Variants in TYSND1 observed in about 807,000 individuals in gnomAD.
TYSND1 encodes peroxisomal leader peptide-processing protease.
TYSND1 carries 30 observed loss-of-function variants against 37.2 expected under a neutral mutation model. That is an observed-to-expected ratio of 0.81 (90% CI 0.60 to 1.09). The LOEUF (loss-of-function observed/expected upper bound fraction) is 1.09, where lower values mean the gene tolerates loss of function less well. Ranked by LOEUF, TYSND1 falls within the 50% of genes least tolerant of loss-of-function variation. TYSND1 has a pLI of 0.00. For synonymous variants in TYSND1, 364 were observed against 383.8 expected (o/e 0.95, Z 0.60); for missense variants, 806 against 817.4 (o/e 0.99, Z 0.17).
At position 70,145,474 on chromosome 10, in the gene TYSND1, C is replaced by A; in HGVS notation, c.1113G>T (p.Arg371=). ...AVAPRLVVTC[R]HVSPREAARV... is the part of the protein sequence containing the mutation. Reference sequence around the variant, plus strand: ...TGGCTGCTTCCCGAGGGGACACGTGCCGACAGGTCACTACAAGGCGGGGTG... The same window carrying A: ...TGGCTGCTTCCCGAGGGGACACGTGACGACAGGTCACTACAAGGCGGGGTG... The change falls in exon 1 of 4, where the codon CGG becomes CGT. Residue 371 remains arginine (R), a synonymous_variant. Coordinates refer to ENST00000287078, the MANE Select transcript of TYSND1 (RefSeq NM_173555.4). 1 of 1,500,098 alleles carries A rather than the reference C, an allele frequency of 6.7e-7. No homozygotes were observed. 92.9% of individuals were successfully genotyped at this position (1,500,098 alleles called of 1,614,324 possible).
At position 70,145,777 on chromosome 10, in the gene TYSND1, C is replaced by A; in HGVS notation, c.810G>T (p.Arg270=). 1.4e-6 allele frequency: 2 copies of A among 1,459,392 alleles called. No homozygotes were observed. Among genetic ancestry groups the A allele is most frequent in the Non-Finnish European group, 1.8e-6 (2 of 1,114,752 alleles). The allele number at this position is 1,459,392 out of a possible 1,614,324, so 90.4% of individuals were successfully genotyped here. A position where few individuals can be genotyped will look rare whatever the true frequency, so the allele number is the denominator to read the frequency against. ...CCAGCGCCACCAGCGCCCCCGCGGG[C>A]CGCGCGGTGAACACGCCGCCGCCCT... is the stretch of plus-strand genomic sequence containing the variant. ...GTEGGGVFTA[R]PAGALVALVV... The change falls in exon 1 of 4, where the codon CGG becomes CGT. Residue 270 remains arginine, a synonymous_variant. Coordinates refer to ENST00000287078, the MANE Select transcript of TYSND1 (RefSeq NM_173555.4).
intron 3 of TYSND1, among the ~76,000 whole-genome samples, chr10:70,142,180 C>T (rs1185129958): frequency 2.0e-5 from 3 of 152,084 alleles, no homozygotes; most frequent in Non-Finnish European, 2.9e-5. Context: ...AAAAATTGAT[C>T]GATTTAACGG....
chr10:70,145,722 C>A lies in TYSND1; in HGVS notation c.865G>T (p.Glu289Ter), dbSNP rs1385621785. ...VVAPLCWKAG[E>*]WVGFTLLCAA... ...CAGAGCAGCGTGAAGCCCACCCATTCGCCGGCCTTCCAACAGAGCGGCGCC... is the reference window on the plus strand; with the variant it reads ...CAGAGCAGCGTGAAGCCCACCCATTAGCCGGCCTTCCAACAGAGCGGCGCC... The change falls in exon 1 of 4, where the codon GAA becomes TAA. Residue 289 changes from glutamate (E) to a stop codon, truncating the protein, a stop_gained. Coordinates refer to ENST00000287078, the MANE Select transcript of TYSND1 (RefSeq NM_173555.4). LOFTEE classifies it high-confidence loss of function. The A allele has an allele frequency of 1.4e-6, 2 of 1,414,532 alleles. No individual in the cohort carries two copies. Among genetic ancestry groups the A allele is most frequent in the African/African-American group, 1.5e-5 (1 of 65,716 alleles). 87.6% of individuals were successfully genotyped at this position (1,414,532 alleles called of 1,614,324 possible).
Position 70,139,767 on chromosome 10 carries a change from A to G in TYSND1, c.*157T>C. ...ATGGGGCTGAAGAGAAGTTTGCCCC[A>G]GAGCCCAAAGCCCAGTCTGCAGTCA... On this transcript the variant is annotated 3_prime_UTR_variant, in exon 4 of 4. Coordinates refer to ENST00000287078, the MANE Select transcript of TYSND1 (RefSeq NM_173555.4). 1 of 708,210 alleles carries G rather than the reference A, an allele frequency of 1.4e-6. No individual in the cohort carries two copies. 43.9% of individuals were successfully genotyped at this position (708,210 alleles called of 1,614,324 possible).
In TYSND1 at chr10:70,145,428, T is replaced by C. The variant is rs774183123; in HGVS notation, c.1159A>G (p.Thr387Ala). 7.7e-6 allele frequency: 11 copies of C among 1,430,852 alleles called. No individual in the cohort carries two copies. In the African/African-American group the frequency reaches 1.2e-4, roughly 15 times the overall value. The allele number at this position is 1,430,852 out of a possible 1,614,324, so 88.6% of individuals were successfully genotyped here. ...EAARVLVRST[T>A]PKSVAIWGRV... is the part of the protein sequence containing the mutation. Reference sequence around the variant, plus strand: ...TCAGCCCTGCGGGCTTACTTGGGGGTGGTGGAGCGCACCAGGACCCTGGCT... The same window carrying C: ...TCAGCCCTGCGGGCTTACTTGGGGGCGGTGGAGCGCACCAGGACCCTGGCT... Residue 387 changes from threonine (T) to alanine (A), a missense_variant, in exon 1 of 4, where the codon ACC (threonine) becomes GCC (alanine). Coordinates refer to ENST00000287078, the MANE Select transcript of TYSND1 (RefSeq NM_173555.4).
At chr10:70,140,639 G>T (rs10823487) in intron 3 of TYSND1, among the ~76,000 whole-genome samples, 52,394 of 152,110 alleles carry the variant, frequency 0.34, 10,652 homozygotes, top group East Asian at 0.56. Flanking sequence ...ACATACAGAA[G>T]TCTTGCCTAA....
intron 3 of TYSND1, among the ~76,000 whole-genome samples, chr10:70,142,454 G>C (rs1002629415): frequency 1.3e-5 from 2 of 152,190 alleles, no homozygotes; most frequent in African/African-American, 2.4e-5. Flanking sequence ...ATTAGTAGCA[G>C]AGAAGGGACC....
intron 1 of TYSND1, among the ~76,000 whole-genome samples, chr10:70,145,018 C>T (rs1222467281): frequency 6.6e-6 from 1 of 152,166 alleles, no homozygotes; most frequent in African/African-American, 2.4e-5. Flanking sequence ...CATCCTGGGC[C>T]TCTGGGACCT....
Position 70,146,634 on chromosome 10 carries a change from A to G in TYSND1, c.-48T>C. 1.4e-6 allele frequency: 2 copies of G among 1,454,672 alleles called. No individual in the cohort carries two copies. The highest frequency in any genetic ancestry group is 2.6e-5 in the East Asian group (1 of 38,226). The allele number at this position is 1,454,672 out of a possible 1,614,324, so 90.1% of individuals were successfully genotyped here. A position where few individuals can be genotyped will look rare whatever the true frequency, so the allele number is the denominator to read the frequency against. On this transcript the variant is annotated 5_prime_UTR_variant, in exon 1 of 4. Coordinates refer to ENST00000287078, the MANE Select transcript of TYSND1 (RefSeq NM_173555.4). Reference sequence around the variant, plus strand: ...GAGCTTCTCCGAGAAACAGCAAGCTAGCGAGCGAGGACCCCTACCCGGTCC... The same window carrying G: ...GAGCTTCTCCGAGAAACAGCAAGCTGGCGAGCGAGGACCCCTACCCGGTCC...
rs1159657285 is a variant in TYSND1 at position 70,140,053 on chromosome 10, C to T, written c.1572G>A (p.Pro524=). The T allele has an allele frequency of 6.8e-6, 11 of 1,614,098 alleles. No homozygotes were observed. Among genetic ancestry groups the T allele is most frequent in the Admixed American group, 1.7e-5 (1 of 60,020 alleles). Residue 524 remains proline, a synonymous_variant, in exon 4 of 4, where the codon CCG becomes CCA. Transcript: ENST00000287078. ...NFSIPITVLQ[P]ALQQYSQTQD... is the part of the protein sequence containing the mutation. ...GGGTCTGGCTGTACTGCTGCAGGGC[C>T]GGCTGGAGCACCGTGATGGGAATGC...
rs189010104 is a variant in TYSND1, at chr10:70,142,561, C to T, written c.1483+107G>A. The T allele has an allele frequency of 1.7e-5, 19 of 1,104,398 alleles. No individual in the cohort carries two copies. In the African/African-American group the frequency reaches 1.7e-4, roughly 10 times the overall value. The allele number at this position is 1,104,398 out of a possible 1,614,324, so 68.4% of individuals were successfully genotyped here. On this transcript the variant is annotated intron_variant, in intron 3 of 3. Transcript: ENST00000287078. ...TTCGCTAGCTCACTCATAATGCCCA[C>T]CATTTTCCCAGACAGAGGGTGCACT... is the stretch of plus-strand genomic sequence containing the variant.
At chr10:70,144,113 T>A in intron 1 of TYSND1, 141 bp from the exon 2 acceptor site, 1 of 1,021,042 alleles carries the variant, frequency 9.8e-7, no homozygotes, top group Non-Finnish European at 1.4e-6. Context: ...TCTGGGCAAG[T>A]CATGTAACCA....
chr10:70,145,354 G>T (rs961180528), intron 1 of TYSND1, 67 bp downstream of exon 1: 1 of 1,319,462 alleles, frequency 7.6e-7, no homozygotes. Flanking sequence ...ATACTCAAGA[G>T]TATTAGGGCT....
chr10:70,141,321 G>A (rs1270335784), intron 3 of TYSND1, among the ~76,000 whole-genome samples: 1 of 150,218 alleles, frequency 6.7e-6, no homozygotes, highest in Non-Finnish European at 1.5e-5. Context: ...AAGTGTAATG[G>A]TGACCATAGT....
chr10:70,146,476 T>C lies in TYSND1; in HGVS notation c.111A>G (p.Val37=), dbSNP rs1839236104. The C allele has an allele frequency of 1.2e-6, 2 of 1,602,006 alleles. No individual in the cohort carries two copies. The highest frequency in any genetic ancestry group is 1.7e-6 in the Non-Finnish European group (2 of 1,178,322). ...CCAGGCCCGGGCTACGGCTCAGGATTACCCCGCTGCAGCTCCACGGGCCCG... is the reference window on the plus strand; with the variant it reads ...CCAGGCCCGGGCTACGGCTCAGGATCACCCCGCTGCAGCTCCACGGGCCCG... The part of the protein sequence containing the change: ...PEAGPWSCSG[V]ILSRSPGLVL... The change falls in exon 1 of 4, where the codon GTA becomes GTG. Residue 37 remains valine (V), a synonymous_variant. Coordinates refer to ENST00000287078, the MANE Select transcript of TYSND1 (RefSeq NM_173555.4).
rs1289127797 is a variant in TYSND1, at chr10:70,143,946, A to G, written c.1193T>C (p.Val398Ala). The G allele has an allele frequency of 6.2e-7, 1 of 1,614,196 alleles. No individual in the cohort carries two copies. Among genetic ancestry groups the G allele is most frequent in the Non-Finnish European group, 8.5e-7 (1 of 1,180,024 alleles). The change falls in exon 2 of 4, where the codon GTA (valine) becomes GCA (alanine). Residue 398 changes from valine to alanine, a missense_variant. Transcript: ENST00000287078. Reference sequence around the variant, plus strand: ...GGGACATGTCTCCTGAGTGGCAAATACCACACGGCCCCAGATGGCCACACT... The same window carrying G: ...GGGACATGTCTCCTGAGTGGCAAATGCCACACGGCCCCAGATGGCCACACT... ...PKSVAIWGRVVFATQETCPYD... is the reference protein window; with the variant it reads ...PKSVAIWGRVAFATQETCPYD...
intron 1 of TYSND1, chr10:70,144,885 G>T: frequency 3.1e-6 from 2 of 640,342 alleles, no homozygotes; most frequent in Non-Finnish European, 3.9e-6. Flanking sequence ...GTACAGCTGC[G>T]TGGGCCACCC....
chr10:70,141,800 T>G (rs1202962367), intron 3 of TYSND1, among the ~76,000 whole-genome samples: 4 of 152,102 alleles, frequency 2.6e-5, no homozygotes, highest in Non-Finnish European at 4.4e-5. Flanking sequence ...GGTCTCGAAC[T>G]CCCATTTCAA....
At position 70,145,843 on chromosome 10, in the gene TYSND1, G is replaced by A; in HGVS notation, c.744C>T (p.Gly248=). Residue 248 remains glycine, a synonymous_variant, in exon 1 of 4, where the codon GGC becomes GGT. Coordinates refer to ENST00000287078, the MANE Select transcript of TYSND1 (RefSeq NM_173555.4). The part of the protein sequence containing the change: ...LSCGVLSNVA[G]PLLLTDARCL... The stretch of plus-strand genomic sequence containing the variant: ...AGCGTGCGTCGGTAAGCAGCAGTGG[G>A]CCGGCCACGTTGCTGAGCACCCCGC... 6.5e-7 allele frequency: 1 copy of A among 1,539,778 alleles called. No individual in the cohort carries two copies. Among genetic ancestry groups the A allele is most frequent in the Non-Finnish European group, 8.8e-7 (1 of 1,142,766 alleles).
Sources: allele counts gnomAD v4.1 joint callset (sites outside exome capture counted in the v4.1 genomes callset), GRCh38; gene constraint gnomAD v4.1.1; transcripts MANE v1.5; gene names NCBI Gene and HGNC (gene_info 2026-07-23, HGNC 2026-07-21).